The following KDM4B variants were observed in gnomAD, a reference collection of about 807,000 sequenced individuals.
KDM4B encodes lysine-specific demethylase 4B.
KDM4B carries 32 observed loss-of-function variants against 125.2 expected under a neutral mutation model. The observed-to-expected ratio is 0.26, with a 90% CI of 0.19 to 0.34. The LOEUF (loss-of-function observed/expected upper bound fraction) is 0.34. Ranked by LOEUF, KDM4B falls within the 10% of genes least tolerant of loss-of-function variation. The pLI is 1.00. For synonymous variants in KDM4B, 721 were observed against 677.9 expected (o/e 1.06, Z -0.99); for missense variants, 1,190 against 1,577.7 (o/e 0.75, Z 4.16).
chr19:4,997,544 G>T lies in KDM4B; in HGVS notation c.-108-18713G>T, dbSNP rs2035241743. On this transcript the variant is annotated intron_variant, in intron 1 of 22. Transcript: ENST00000159111. The surrounding 1 kb of genome is among the most constrained non-coding windows in gnomAD (Gnocchi z 4.2). The stretch of plus-strand genomic sequence containing the variant: ...TGCCTCCTTGGCTCCCCGGTTGTTA[G>T]CTGTGTGATCTAGGGTAGGCCACTT... Among the ~76,000 whole-genome samples, 1 of 152,176 alleles carries T rather than the reference G, an allele frequency of 6.6e-6. No homozygotes were observed. Among genetic ancestry groups the T allele is most frequent in the South Asian group, 2.1e-4 (1 of 4,830 alleles).
At chr19:5,000,136 A>ACCCT (rs2035333439) in intron 1 of KDM4B, among the ~76,000 whole-genome samples, 1 of 125,504 alleles carries the variant, frequency 8.0e-6, no homozygotes. Flanking sequence ...CCACCCACCT[A>ACCCT]TCCACCCATT....
At chr19:5,145,677 C>T (rs1050832745) in intron 21 of KDM4B, among the ~76,000 whole-genome samples, 1 of 152,170 alleles carries the variant, frequency 6.6e-6, no homozygotes, top group Non-Finnish European at 1.5e-5. Context: ...GCGTCGCTCC[C>T]AAGCCTGGTG....
intron 9 of KDM4B, among the ~76,000 whole-genome samples, chr19:5,084,351 A>G (rs1482615910): frequency 6.9e-6 from 1 of 145,086 alleles, no homozygotes; most frequent in Non-Finnish European, 1.5e-5. Flanking sequence ...TATTGTATGT[A>G]ATTTATATAT....
chr19:5,146,412 A>G (rs1042543132), intron 21 of KDM4B, among the ~76,000 whole-genome samples: 1 of 152,216 alleles, frequency 6.6e-6, no homozygotes, highest in African/African-American at 2.4e-5. Flanking sequence ...AGCCATCCCC[A>G]TGGCCAGCCC....
At chr19:5,130,578 C>CT (rs1446076586) in intron 11 of KDM4B, among the ~76,000 whole-genome samples, 5 of 152,276 alleles carry the variant, frequency 3.3e-5, no homozygotes, top group Non-Finnish European at 7.3e-5. Flanking sequence ...CAAGGTTTTA[C>CT]TTTCGTCAAA....
chr19:5,122,599 C>T (rs1229750051), intron 11 of KDM4B, among the ~76,000 whole-genome samples: 1 of 152,230 alleles, frequency 6.6e-6, no homozygotes, highest in African/African-American at 2.4e-5. Flanking sequence ...CAGTGACTCT[C>T]AAATCCACTG....
chr19:5,090,521 CCCCTCTTTCCCCGCT>C (rs2038672251), intron 9 of KDM4B, among the ~76,000 whole-genome samples: 1 of 41,130 alleles, frequency 2.4e-5, no homozygotes, highest in Non-Finnish European at 5.6e-5. Context: ...TCTCCCTCTC[CCCCTCTTTCCCCGCT>C]CCCCCTCTCT....
chr19:5,109,126 CAG>C (rs981821446), intron 9 of KDM4B, among the ~76,000 whole-genome samples: 1 of 152,236 alleles, frequency 6.6e-6, no homozygotes. Flanking sequence ...AGGCACGGTG[CAG>C]AGTTTCTCGA....
At chr19:5,137,388 G>T in intron 16 of KDM4B, 50 bp downstream of exon 16, 1 of 1,503,926 alleles carries the variant, frequency 6.6e-7, no homozygotes. Context: ...CCTGGGCCCC[G>T]GCCCCACTCC....
chr19:5,099,059 A>G (rs2038882039), intron 9 of KDM4B, among the ~76,000 whole-genome samples: 1 of 152,200 alleles, frequency 6.6e-6, no homozygotes, highest in Non-Finnish European at 1.5e-5. Flanking sequence ...AGATACTTTC[A>G]GGGGAACCTG....
chr19:4,978,163 A>G (rs750440978), intron 1 of KDM4B, among the ~76,000 whole-genome samples: 16 of 152,102 alleles, frequency 1.1e-4, no homozygotes, highest in Admixed American at 5.9e-4. Context: ...TGCTTCCCCC[A>G]GGAAGGGGGG....
chr19:5,088,628 C>T (rs1233327194), intron 9 of KDM4B, among the ~76,000 whole-genome samples: 1 of 151,640 alleles, frequency 6.6e-6, no homozygotes, highest in East Asian at 1.9e-4. Flanking sequence ...CCTGAGGGGG[C>T]CCCTGAGGCT....
chr19:5,070,268 C>T (rs1233755215), intron 6 of KDM4B, among the ~76,000 whole-genome samples: 3 of 152,108 alleles, frequency 2.0e-5, no homozygotes, highest in African/African-American at 4.8e-5. Flanking sequence ...TGGGGCTTCT[C>T]GCTCCCCCTC....
intron 6 of KDM4B, among the ~76,000 whole-genome samples, chr19:5,052,210 C>T (rs1370500300): frequency 6.6e-6 from 1 of 152,196 alleles, no homozygotes; most frequent in Non-Finnish European, 1.5e-5. Context: ...AATTTCACAG[C>T]ATCTTTTCTT....
In KDM4B at chr19:5,134,175, C is replaced by T. The variant is rs543270462; in HGVS notation, c.2085+114C>T. 4.0e-5 allele frequency: 40 copies of T among 1,007,110 alleles called. No homozygotes were observed. In the East Asian group the frequency reaches 7.2e-4, roughly 18 times the overall value. The allele number at this position is 1,007,110 out of a possible 1,614,324, so 62.4% of individuals were successfully genotyped here. On this transcript the variant is annotated intron_variant, in intron 14 of 22. Coordinates refer to ENST00000159111, the MANE Select transcript of KDM4B (RefSeq NM_015015.3). ...CTCTCACGCAGGGCAGGGTGTTGGC[C>T]AGCACCCCGAGTTGTGAGGGCTTGT...
At chr19:5,111,508 G>A (rs765364867) in intron 10 of KDM4B, 12 of 765,036 alleles carry the variant, frequency 1.6e-5, no homozygotes, top group Non-Finnish European at 2.2e-5. Flanking sequence ...GGCAGGTCCC[G>A]GCCTAGGAGG....
chr19:5,041,303 G>T (rs372544129), intron 5 of KDM4B, 52 bp downstream of exon 5: 30 of 1,430,378 alleles, frequency 2.1e-5, no homozygotes, highest in African/African-American at 1.6e-4. Context: ...GGTGGGTGGT[G>T]GTGGGAGGGC....
At chr19:5,057,608 G>A (rs912000872) in intron 6 of KDM4B, among the ~76,000 whole-genome samples, 3 of 152,212 alleles carry the variant, frequency 2.0e-5, no homozygotes, top group Non-Finnish European at 4.4e-5. Flanking sequence ...GCTTTGCCTG[G>A]AGTAACCCTT....
chr19:5,034,353 C>T (rs758839596), intron 3 of KDM4B, among the ~76,000 whole-genome samples: 4 of 152,084 alleles, frequency 2.6e-5, no homozygotes, highest in Admixed American at 1.3e-4. Flanking sequence ...GGCGGGCAGT[C>T]TCTACACACG....
Sources: gnomAD v4.1 joint callset for allele counts (sites outside exome capture counted in the v4.1 genomes callset) on GRCh38, gnomAD v4.1.1 for gene constraint, Gnocchi (gnomAD v3.1) non-coding constraint, MANE v1.5 for transcripts, NCBI Gene and HGNC (gene_info 2026-07-23, HGNC 2026-07-21) for gene names.